EXOC2: variants seen among roughly 807,000 people sequenced by gnomAD.
EXOC2 encodes the protein SEC5-like 1.
In EXOC2, 70 loss-of-function variants were observed where a neutral mutation model predicts 131.8. The ratio of observed to expected loss-of-function variants is 0.53; its 90% CI spans 0.44 to 0.65. EXOC2 has a LOEUF of 0.65. Among genes scored for constraint, EXOC2 ranks in the 30% least tolerant of loss-of-function variants. The pLI, the probability that EXOC2 is intolerant of heterozygous loss-of-function variation, is 0.00. For synonymous variants in EXOC2, 411 were observed against 398.4 expected (o/e 1.03, Z -0.38); for missense variants, 923 against 1,108.6 (o/e 0.83, Z 2.38).
intron 1 of EXOC2, among the ~76,000 whole-genome samples, chr6:665,644 T>C (rs543645229): frequency 3.9e-5 from 6 of 152,240 alleles, no homozygotes; most frequent in South Asian, 2.1e-4. Flanking sequence ...GTGGATGAGA[T>C]TGGAGACTAT....
chr6:658,552 T>C (rs937302044), intron 1 of EXOC2, among the ~76,000 whole-genome samples: 12 of 150,764 alleles, frequency 8.0e-5, no homozygotes, highest in African/African-American at 2.9e-4. Flanking sequence ...GTATTTGCCA[T>C]GCAACTGGTG....
At chr6:664,498 A>G (rs1330568147) in intron 1 of EXOC2, among the ~76,000 whole-genome samples, 11 of 152,232 alleles carry the variant, frequency 7.2e-5, no homozygotes, top group African/African-American at 2.7e-4. Context: ...CTAAGCAAAA[A>G]CAACAAATCT....
intron 23 of EXOC2, among the ~76,000 whole-genome samples, chr6:503,692 A>G (rs114125859): frequency 6.6e-6 from 1 of 152,214 alleles, no homozygotes; most frequent in Non-Finnish European, 1.5e-5. Flanking sequence ...AGTACTGGAT[A>G]GGAACAGAGG....
chr6:641,328 G>A (rs149515722), intron 1 of EXOC2, among the ~76,000 whole-genome samples: 119 of 152,268 alleles, frequency 7.8e-4, no homozygotes, highest in Non-Finnish European at 1.5e-3. Flanking sequence ...TTCTGGGAGC[G>A]AGTCTTAAAT....
At chr6:626,289 A>G (rs931262169) in intron 4 of EXOC2, among the ~76,000 whole-genome samples, 1 of 152,190 alleles carries the variant, frequency 6.6e-6, no homozygotes, top group African/African-American at 2.4e-5. Flanking sequence ...ACAGCCAACA[A>G]ATGCCACGTT....
intron 1 of EXOC2, among the ~76,000 whole-genome samples, chr6:648,807 G>A (rs1037347844): frequency 1.4e-5 from 2 of 139,816 alleles, no homozygotes; most frequent in African/African-American, 2.7e-5. Context: ...CTGCAGCCTC[G>A]AACTCCTGGG....
intron 1 of EXOC2, among the ~76,000 whole-genome samples, chr6:648,119 T>G (rs1317171142): frequency 6.6e-6 from 1 of 152,214 alleles, no homozygotes; most frequent in African/African-American, 2.4e-5. Context: ...TATCTGCTTT[T>G]CACACTGCAG....
At chr6:545,245 A>C (rs1001477180) in intron 22 of EXOC2, among the ~76,000 whole-genome samples, 12 of 152,218 alleles carry the variant, frequency 7.9e-5, no homozygotes, top group African/African-American at 2.9e-4. Context: ...AAAATCTGGA[A>C]GTATACAAAT....
chr6:570,991 C>T (rs1158100132), intron 13 of EXOC2, among the ~76,000 whole-genome samples: 2 of 152,134 alleles, frequency 1.3e-5, no homozygotes, highest in Non-Finnish European at 2.9e-5. Flanking sequence ...ACAGCTCACC[C>T]AGCTGAGATC....
intron 22 of EXOC2, among the ~76,000 whole-genome samples, chr6:546,447 T>C (rs73376423): frequency 0.034 from 5,183 of 152,286 alleles, 277 homozygotes; most frequent in African/African-American, 0.11. Context: ...GCCAAAACAA[T>C]GTACACTAAT....
rs1395387425 is a variant in EXOC2, at chr6:486,651, TTC to T, written c.*18_*19del. The T allele has an allele frequency of 7.5e-6, 12 of 1,607,178 alleles. No homozygotes were observed. The South Asian group carries it at 1.3e-4, about 18-fold the overall frequency. ...CTTATTACGTGTTATTTTCCTGGAC[TTC>T]TTTTATGTGGCAGATATTTATGTTT... On this transcript the variant is annotated 3_prime_UTR_variant, in exon 28 of 28. Coordinates refer to ENST00000230449, the MANE Select transcript of EXOC2 (RefSeq NM_018303.6).
chr6:597,977 A>G (rs1490785034), intron 10 of EXOC2, 44 bp downstream of exon 10: 2 of 1,450,308 alleles, frequency 1.4e-6, no homozygotes, highest in Non-Finnish European at 1.9e-6. Context: ...ATACAGTACC[A>G]AACAGATACA....
chr6:625,761 A>G (rs1294698512), intron 4 of EXOC2, among the ~76,000 whole-genome samples: 2 of 152,184 alleles, frequency 1.3e-5, no homozygotes, highest in Non-Finnish European at 2.9e-5. Context: ...GAAGAAAATC[A>G]GGTTTGCATC....
At chr6:573,262 T>C (rs548154056) in intron 12 of EXOC2, among the ~76,000 whole-genome samples, 4 of 152,216 alleles carry the variant, frequency 2.6e-5, no homozygotes, top group Non-Finnish European at 1.5e-5. Context: ...AACTGGGAAA[T>C]AAGGGCTTAG....
At chr6:646,656 A>C (rs1427098751) in intron 1 of EXOC2, among the ~76,000 whole-genome samples, 1 of 152,256 alleles carries the variant, frequency 6.6e-6, no homozygotes, top group Non-Finnish European at 1.5e-5. Flanking sequence ...ATGCACAAAT[A>C]AGCAATGAAT....
intron 1 of EXOC2, among the ~76,000 whole-genome samples, chr6:653,900 A>G (rs1446618623): frequency 1.3e-5 from 2 of 152,210 alleles, no homozygotes; most frequent in African/African-American, 4.8e-5. Context: ...TTTTCAGTTG[A>G]AGCCAATGCT....
chr6:635,952 A>G (rs954655963), intron 2 of EXOC2, among the ~76,000 whole-genome samples: 8 of 152,244 alleles, frequency 5.3e-5, no homozygotes, highest in Admixed American at 2.0e-4. Flanking sequence ...AGTCCCAGCT[A>G]CTGGGGAGGC....
At chr6:533,182 G>C (rs1015376369) in intron 22 of EXOC2, among the ~76,000 whole-genome samples, 3 of 152,078 alleles carry the variant, frequency 2.0e-5, no homozygotes, top group African/African-American at 7.2e-5. Context: ...CAAATCAAGA[G>C]GAGATTTGGG....
Position 671,378 on chromosome 6 carries a change from CT to C in EXOC2, c.-44+21640del, listed in dbSNP as rs947336094. ...ACAAAAAAAAACAAAAAAAGAAAAACTATTTGTTTTTTAAGCCAACAATTCA... is the reference window on the plus strand; with the variant it reads ...ACAAAAAAAAACAAAAAAAGAAAAACATTTGTTTTTTAAGCCAACAATTCA... On this transcript the variant is annotated intron_variant, in intron 1 of 27. Coordinates refer to ENST00000230449, the MANE Select transcript of EXOC2 (RefSeq NM_018303.6). Among the ~76,000 whole-genome samples, 295 of 151,230 alleles carry C rather than the reference CT, an allele frequency of 2.0e-3. 1 individual carries two copies. Among genetic ancestry groups the C allele is most frequent in the Middle Eastern group, 0.01 (3 of 292 alleles).
Sources: gnomAD v4.1 joint callset for allele counts (sites outside exome capture counted in the v4.1 genomes callset) on GRCh38, gnomAD v4.1.1 for gene constraint, MANE v1.5 for transcripts, NCBI Gene and HGNC (gene_info 2026-07-23, HGNC 2026-07-21) for gene names.